The following MAST4 variants were observed in gnomAD, a reference collection of about 807,000 sequenced individuals.
MAST4 encodes the protein microtubule associated serine/threonine kinase family member 4.
MAST4 carries 89 observed loss-of-function variants against 162.7 expected under a neutral mutation model. The observed-to-expected ratio is 0.55, with a 90% CI of 0.46 to 0.65. MAST4 has a LOEUF of 0.65. Among genes scored for constraint, MAST4 ranks in the 30% least tolerant of loss-of-function variants. MAST4 has a pLI of 0.00. For missense variants in MAST4, 3,153 were observed against 3,374.0 expected (o/e 0.93, Z 1.62); for synonymous variants, 1,479 against 1,361.1 (o/e 1.09, Z -1.91).
At chr5:66,896,992 G>A (rs1417099129) in intron 3 of MAST4, among the ~76,000 whole-genome samples, 1 of 151,990 alleles carries the variant, frequency 6.6e-6, no homozygotes, top group Non-Finnish European at 1.5e-5. Flanking sequence ...TCTGGGGGGA[G>A]GATACAATAT....
At chr5:66,694,505 G>A (rs1339396149) in intron 1 of MAST4, among the ~76,000 whole-genome samples, 1 of 146,652 alleles carries the variant, frequency 6.8e-6, no homozygotes, top group Non-Finnish European at 1.5e-5. Flanking sequence ...TTCTTTTTTT[G>A]AGTTGGAATC....
At chr5:66,858,406 G>C (rs1458877831) in intron 3 of MAST4, among the ~76,000 whole-genome samples, 1 of 152,192 alleles carries the variant, frequency 6.6e-6, no homozygotes, top group Non-Finnish European at 1.5e-5. Context: ...TTTCCAGGCA[G>C]AGAGTGAATC....
intron 3 of MAST4, among the ~76,000 whole-genome samples, chr5:66,867,302 A>C (rs1008473688): frequency 6.6e-6 from 1 of 152,240 alleles, no homozygotes; most frequent in East Asian, 1.9e-4. Context: ...GTCTGATGTT[A>C]GCAACTAAAT....
chr5:66,958,208 G>T (rs193132676), intron 4 of MAST4, among the ~76,000 whole-genome samples: 2 of 152,216 alleles, frequency 1.3e-5, no homozygotes, highest in East Asian at 3.9e-4. Flanking sequence ...TTGAAAATTA[G>T]AATTCTTGAT....
chr5:67,018,564 C>T (rs926273293), intron 4 of MAST4, among the ~76,000 whole-genome samples: 2 of 151,810 alleles, frequency 1.3e-5, no homozygotes, highest in Non-Finnish European at 2.9e-5. Flanking sequence ...TTGTAAGAAA[C>T]CAGATAAACA....
intron 4 of MAST4, among the ~76,000 whole-genome samples, chr5:66,965,732 T>G (rs891278718): frequency 3.3e-5 from 5 of 152,052 alleles, no homozygotes; most frequent in Admixed American, 2.0e-4. Flanking sequence ...GTATAGAGAT[T>G]GATATAAACT....
chr5:66,859,357 T>C (rs1014306614), intron 3 of MAST4, among the ~76,000 whole-genome samples: 1 of 152,216 alleles, frequency 6.6e-6, no homozygotes, highest in African/African-American at 2.4e-5. Context: ...CTTAATACTA[T>C]ACTACATGTA....
At chr5:66,608,960 C>T (rs1356504450) in intron 1 of MAST4, among the ~76,000 whole-genome samples, 1 of 151,716 alleles carries the variant, frequency 6.6e-6, no homozygotes, top group Non-Finnish European at 1.5e-5. Context: ...AATCTTAACA[C>T]TAGAAGATAT....
intron 5 of MAST4, among the ~76,000 whole-genome samples, chr5:67,078,886 T>TTAATATATATTTATATAAA (rs1762113769): frequency 1.3e-5 from 1 of 76,426 alleles, no homozygotes; most frequent in African/African-American, 5.8e-5. Context: ...ATAAATATAT[T>TTAATATATATTTATATAAA]TATATATTTA....
At chr5:66,625,061 C>G (rs1744338944) in intron 1 of MAST4, among the ~76,000 whole-genome samples, 1 of 152,104 alleles carries the variant, frequency 6.6e-6, no homozygotes, top group African/African-American at 2.4e-5. Flanking sequence ...ATGCAAAGCT[C>G]TAGAGCATGA....
At chr5:66,891,187 G>A (rs372199639) in intron 3 of MAST4, among the ~76,000 whole-genome samples, 3 of 152,142 alleles carry the variant, frequency 2.0e-5, no homozygotes, top group African/African-American at 7.2e-5. Context: ...AAGGCCCTCA[G>A]TGCTTTTAGA....
Position 67,164,990 on chromosome 5 carries a change from T to G in MAST4, c.5811T>G (p.Leu1937=). The change falls in exon 29 of 29, where the codon CTT becomes CTG. Residue 1937 remains leucine, a synonymous_variant. Coordinates refer to ENST00000403625, the MANE Select transcript of MAST4 (RefSeq NM_001164664.2). This position sits in a 1 kb window ranked among gnomAD's most constrained non-coding sequence, Gnocchi z 5.3. ...AAGACCACACCACTGACCCCAAGCT[T>G]CTGACCTGCCTGGGGCAGAACCTCC... ...KHQDHTTDPK[L]LTCLGQNLHS... 1 of 1,613,638 alleles carries G rather than the reference T, an allele frequency of 6.2e-7. No homozygotes were observed. The highest frequency in any genetic ancestry group is 1.3e-5 in the African/African-American group (1 of 74,970).
intron 14 of MAST4, among the ~76,000 whole-genome samples, chr5:67,123,761 A>C (rs937762121): frequency 6.6e-6 from 1 of 152,222 alleles, no homozygotes; most frequent in Non-Finnish European, 1.5e-5. Flanking sequence ...AAAGTAAAAA[A>C]CTAATTTTGA....
intron 1 of MAST4, among the ~76,000 whole-genome samples, chr5:66,694,571 C>T (rs1418580600): frequency 6.6e-6 from 1 of 152,154 alleles, no homozygotes; most frequent in Non-Finnish European, 1.5e-5. Context: ...ACTGCAACCT[C>T]TACCTCCCAG....
chr5:66,967,272 T>G (rs553540077), intron 4 of MAST4, among the ~76,000 whole-genome samples: 2 of 152,254 alleles, frequency 1.3e-5, no homozygotes, highest in African/African-American at 4.8e-5. Flanking sequence ...ATTCTTTTCA[T>G]AGTAAAACCC....
chr5:66,660,927 C>T (rs1002486858), intron 1 of MAST4, among the ~76,000 whole-genome samples: 5 of 152,174 alleles, frequency 3.3e-5, no homozygotes, highest in Non-Finnish European at 7.3e-5. Flanking sequence ...CTTAATTTCT[C>T]TTAGCACCAG....
chr5:66,845,027 G>C (rs1758713434), intron 3 of MAST4, among the ~76,000 whole-genome samples: 1 of 130,538 alleles, frequency 7.7e-6, no homozygotes, highest in South Asian at 2.7e-4. Flanking sequence ...GAAAGCCTGA[G>C]GCACAAGAAG....
At chr5:66,608,355 C>CTTTTTTTTTTTTTTT (rs72272071) in intron 1 of MAST4, among the ~76,000 whole-genome samples, 2 of 44,418 alleles carry the variant, frequency 4.5e-5, no homozygotes, top group South Asian at 1.3e-3. Context: ...TGTGCCTGGC[C>CTTTTTTTTTTTTTTT]TTTTTTTTTT....
At chr5:67,116,845 C>CT (rs1291760061) in intron 12 of MAST4, among the ~76,000 whole-genome samples, 1 of 152,040 alleles carries the variant, frequency 6.6e-6, no homozygotes, top group East Asian at 1.9e-4. Context: ...ATTACAGACT[C>CT]TGATTGTTCT....
Sources: allele counts gnomAD v4.1 joint callset (sites outside exome capture counted in the v4.1 genomes callset), GRCh38; gene constraint gnomAD v4.1.1; non-coding constraint Gnocchi (gnomAD v3.1); transcripts MANE v1.5; gene names NCBI Gene and HGNC (gene_info 2026-07-23, HGNC 2026-07-21).